Variants in FLRT1 observed in about 807,000 individuals in gnomAD.
FLRT1 encodes fibronectin leucine rich transmembrane protein 1, also known as leucine-rich repeat transmembrane protein FLRT1.
FLRT1 carries 14 observed loss-of-function variants against 30.9 expected under a neutral mutation model. That is an observed-to-expected ratio of 0.45 (90% CI 0.30 to 0.71). The LOEUF (loss-of-function observed/expected upper bound fraction) is 0.71, where lower values mean the gene tolerates loss of function less well. FLRT1 is among the 30% of genes least tolerant of loss of function. FLRT1 has a pLI of 0.08. For synonymous variants in FLRT1, 368 were observed against 430.4 expected (o/e 0.85, Z 1.80); for missense variants, 737 against 949.2 (o/e 0.78, Z 2.94).
At chr11:64,041,044 G>A (rs1943474674) in intron 1 of FLRT1, among the ~76,000 whole-genome samples, 2 of 151,732 alleles carry the variant, frequency 1.3e-5, no homozygotes, top group African/African-American at 4.9e-5. Context: ...ATTAAAACTG[G>A]GATTAAAACT....
At chr11:64,108,729 T>C (rs651359) in intron 2 of FLRT1, among the ~76,000 whole-genome samples, 41,839 of 152,124 alleles carry the variant, frequency 0.28, 6,546 homozygotes, top group African/African-American at 0.44. Context: ...CAGTGAGGAA[T>C]TGAAGGCATG....
Position 64,117,542 on chromosome 11 carries a change from C to T in FLRT1, c.1275C>T (p.Asn425=). 1 of 1,603,394 alleles carries T rather than the reference C, an allele frequency of 6.2e-7. No individual in the cohort carries two copies. Among genetic ancestry groups the T allele is most frequent in the Non-Finnish European group, 8.5e-7 (1 of 1,173,170 alleles). Residue 425 remains asparagine, a synonymous_variant, in exon 3 of 3, where the codon AAC becomes AAT. Coordinates refer to ENST00000682287, the MANE Select transcript of FLRT1 (RefSeq NM_013280.5). The part of the protein sequence containing the change: ...KRPGLRLPDS[N]IDYPMATGDG... ...CAGGGCTGCGCCTCCCCGACTCCAACATTGACTACCCCATGGCCACGGGTG... is the reference window on the plus strand; with the variant it reads ...CAGGGCTGCGCCTCCCCGACTCCAATATTGACTACCCCATGGCCACGGGTG...
chr11:64,055,587 C>T (rs879865353), intron 1 of FLRT1, among the ~76,000 whole-genome samples: 5 of 152,214 alleles, frequency 3.3e-5, no homozygotes, highest in Non-Finnish European at 5.9e-5. Context: ...CTCTGTCCCT[C>T]CACGAGGCAG....
At chr11:64,055,947 C>T (rs561021678) in intron 1 of FLRT1, among the ~76,000 whole-genome samples, 30 of 152,322 alleles carry the variant, frequency 2.0e-4, no homozygotes, top group African/African-American at 6.7e-4. Flanking sequence ...AGCCGACAGC[C>T]GTATCAGCAC....
intron 1 of FLRT1, chr11:64,086,819 C>G (rs1337626291): frequency 6.6e-6 from 1 of 152,270 alleles, no homozygotes; most frequent in Admixed American, 6.5e-5. Flanking sequence ...CCAACTAGCC[C>G]GTGACTTCCA....
rs762640509 is a variant in FLRT1, at chr11:64,117,341, G to A, written c.1074G>A (p.Gln358=). The A allele has an allele frequency of 1.7e-5, 27 of 1,613,918 alleles. No individual in the cohort carries two copies. The highest frequency in any genetic ancestry group is 2.3e-5 in the Non-Finnish European group (27 of 1,179,966). ...AVVNVRGLMC[Q]GPEKVRGMAI... The stretch of plus-strand genomic sequence containing the variant: ...TCAACGTGCGGGGCCTCATGTGCCA[G>A]GGCCCTGAGAAGGTCCGGGGCATGG... Residue 358 remains glutamine (Q), a synonymous_variant, in exon 3 of 3, where the codon CAG becomes CAA. Coordinates refer to ENST00000682287, the MANE Select transcript of FLRT1 (RefSeq NM_013280.5).
At chr11:64,114,393 A>G (rs1944931934) in intron 2 of FLRT1, among the ~76,000 whole-genome samples, 1 of 141,816 alleles carries the variant, frequency 7.1e-6, no homozygotes, top group Non-Finnish European at 1.6e-5. Flanking sequence ...GGATGGGTGA[A>G]TGGACAGGTG....
chr11:64,047,897 CA>C (rs35010371), intron 1 of FLRT1, among the ~76,000 whole-genome samples: 5,126 of 89,112 alleles, frequency 0.058, 259 homozygotes, highest in African/African-American at 0.19. Flanking sequence ...AACTCCGTCT[CA>C]AAAAAAAAAA....
chr11:64,051,906 G>A (rs1037627068), intron 1 of FLRT1, among the ~76,000 whole-genome samples: 4 of 151,972 alleles, frequency 2.6e-5, no homozygotes, highest in Non-Finnish European at 5.9e-5. Flanking sequence ...CTCGGGGGCT[G>A]CAAGAGAGGT....
chr11:64,078,424 C>T (rs749080834), intron 1 of FLRT1, among the ~76,000 whole-genome samples: 7 of 152,222 alleles, frequency 4.6e-5, no homozygotes, highest in Non-Finnish European at 8.8e-5. Flanking sequence ...GCAGCTGCAC[C>T]GAAACATGGC....
rs111444269 is a variant in FLRT1 at position 64,036,785 on chromosome 11, T to C, written c.-1038+626T>C. 6.6e-6 allele frequency among the ~76,000 whole-genome samples: 1 copy of C among 151,956 alleles called. No homozygotes were observed. Among genetic ancestry groups the C allele is most frequent in the Non-Finnish European group, 1.5e-5 (1 of 67,918 alleles). On this transcript the variant is annotated intron_variant, in intron 1 of 2. Transcript: ENST00000682287. This position sits in a 1 kb window ranked among gnomAD's most constrained non-coding sequence, Gnocchi z 5.6. Reference sequence around the variant, plus strand: ...CCTGGCGGCTGGAACGGTGAGACCATGGTGCCTGGGCGGGGGGCGGCGGGC... The same window carrying C: ...CCTGGCGGCTGGAACGGTGAGACCACGGTGCCTGGGCGGGGGGCGGCGGGC...
At chr11:64,044,944 CAT>C (rs780645962) in intron 1 of FLRT1, among the ~76,000 whole-genome samples, 3 of 152,312 alleles carry the variant, frequency 2.0e-5, no homozygotes, top group South Asian at 2.1e-4. Flanking sequence ...TCATTTAACA[CAT>C]GTGTCAGGGA....
At chr11:64,110,699 C>T (rs1944846561) in intron 2 of FLRT1, among the ~76,000 whole-genome samples, 1 of 152,188 alleles carries the variant, frequency 6.6e-6, no homozygotes, top group Non-Finnish European at 1.5e-5. Flanking sequence ...ATGGAGCTGG[C>T]AGGTCGTAAC....
At chr11:64,099,827 A>AGATGGATG (rs544902818) in intron 1 of FLRT1, among the ~76,000 whole-genome samples, 3 of 151,008 alleles carry the variant, frequency 2.0e-5, no homozygotes, top group African/African-American at 7.3e-5. Context: ...GTGAATGGAT[A>AGATGGATG]GATGGATGGA....
At chr11:64,111,044 T>C (rs935318023) in intron 2 of FLRT1, among the ~76,000 whole-genome samples, 2 of 152,224 alleles carry the variant, frequency 1.3e-5, no homozygotes, top group Non-Finnish European at 2.9e-5. Context: ...GCCTCCCAAA[T>C]GCTTCTTGGT....
intron 1 of FLRT1, among the ~76,000 whole-genome samples, chr11:64,075,019 A>G (rs1944176735): frequency 6.6e-6 from 1 of 152,232 alleles, no homozygotes; most frequent in Admixed American, 6.5e-5. Context: ...CAGGAATTCA[A>G]GACCCCACCC....
At chr11:64,070,403 C>T (rs535788513) in intron 1 of FLRT1, among the ~76,000 whole-genome samples, 3 of 152,264 alleles carry the variant, frequency 2.0e-5, no homozygotes, top group East Asian at 1.9e-4. Context: ...AAAATAGAGC[C>T]GGCCACGCCT....
Position 64,110,355 on chromosome 11 carries a change from G to A in FLRT1, c.-49-5864G>A, listed in dbSNP as rs558283309. Reference sequence around the variant, plus strand: ...TCCCAGCTCTGCAGGAGGCTGAGGTGGGAGGATCACCTGAGCATGGGGAGG... The same window carrying A: ...TCCCAGCTCTGCAGGAGGCTGAGGTAGGAGGATCACCTGAGCATGGGGAGG... On this transcript the variant is annotated intron_variant, in intron 2 of 2. Coordinates refer to ENST00000682287, the MANE Select transcript of FLRT1 (RefSeq NM_013280.5). Among the ~76,000 whole-genome samples, 3 of 152,022 alleles carry A rather than the reference G, an allele frequency of 2.0e-5. No homozygotes were observed. In the East Asian group the frequency reaches 5.8e-4, roughly 29 times the overall value.
chr11:64,066,865 G>A (rs1038185901), intron 1 of FLRT1, among the ~76,000 whole-genome samples: 1 of 152,190 alleles, frequency 6.6e-6, no homozygotes. Flanking sequence ...CCAAGGTCAG[G>A]CTGCTGGAAG....
Sources: gnomAD v4.1 joint callset for allele counts (sites outside exome capture counted in the v4.1 genomes callset) on GRCh38, gnomAD v4.1.1 for gene constraint, Gnocchi (gnomAD v3.1) non-coding constraint, MANE v1.5 for transcripts, NCBI Gene and HGNC (gene_info 2026-07-23, HGNC 2026-07-21) for gene names.